Variants in WWOX observed in about 807,000 individuals in gnomAD.
The protein encoded by WWOX is WW domain containing oxidoreductase.
WWOX carries 69 observed loss-of-function variants against 46.2 expected under a neutral mutation model. The observed-to-expected ratio is 1.49, with a 90% CI of 1.23 to 1.82. WWOX has a LOEUF of 1.82. Among genes scored for constraint, WWOX ranks in the 40% most tolerant of loss-of-function variants. The pLI is 0.00. For missense variants in WWOX, 919 were observed against 542.6 expected (o/e 1.69, Z -6.89); for synonymous variants, 359 against 202.6 (o/e 1.77, Z -6.56).
chr16:78,212,039 G>A (rs904922635), intron 5 of WWOX, among the ~76,000 whole-genome samples: 3 of 152,164 alleles, frequency 2.0e-5, no homozygotes, highest in African/African-American at 7.2e-5. Flanking sequence ...TTATTATTTG[G>A]TGTATTTGGG....
chr16:78,389,679 G>A (rs2082138109), intron 6 of WWOX, among the ~76,000 whole-genome samples: 1 of 152,060 alleles, frequency 6.6e-6, no homozygotes, highest in Non-Finnish European at 1.5e-5. Flanking sequence ...TGGAATGTGG[G>A]TAGAGGGGCC....
intron 8 of WWOX, among the ~76,000 whole-genome samples, chr16:78,904,345 TCTC>T (rs1181018668): frequency 6.7e-6 from 1 of 150,288 alleles, no homozygotes. Context: ...TTCAAGCAAT[TCTC>T]CTGCCTCAGC....
chr16:78,884,044 C>G (rs966885025), intron 8 of WWOX, among the ~76,000 whole-genome samples: 2 of 151,816 alleles, frequency 1.3e-5, no homozygotes, highest in African/African-American at 4.8e-5. Flanking sequence ...TTTGGGAGGC[C>G]GAGGCAGGCA....
chr16:78,151,684 A>T (rs532385806), intron 4 of WWOX, among the ~76,000 whole-genome samples: 1 of 152,162 alleles, frequency 6.6e-6, no homozygotes, highest in Non-Finnish European at 1.5e-5. Flanking sequence ...TATCAATTAG[A>T]TAGCATTTGG....
chr16:79,107,504 C>A (rs571307736), intron 8 of WWOX, among the ~76,000 whole-genome samples: 14 of 152,170 alleles, frequency 9.2e-5, no homozygotes, highest in African/African-American at 2.9e-4. Context: ...GGCATACTGC[C>A]CAAGCACAGT....
rs2080059343 is a variant in WWOX at position 78,302,512 on chromosome 16, G to A, written c.517-84348G>A. Among the ~76,000 whole-genome samples the A allele has an allele frequency of 1.3e-5, 2 of 152,040 alleles. 1 individual carries two copies. Among genetic ancestry groups the A allele is most frequent in the African/African-American group, 4.8e-5 (2 of 41,390 alleles). On this transcript the variant is annotated intron_variant, in intron 5 of 8. Coordinates refer to ENST00000566780, the MANE Select transcript of WWOX (RefSeq NM_016373.4). ...TATTGCCTACCTGCAGACATGTTTTGTCTTATCCACACATGATGTAAAAAC... is the reference window on the plus strand; with the variant it reads ...TATTGCCTACCTGCAGACATGTTTTATCTTATCCACACATGATGTAAAAAC...
chr16:78,597,186 G>T (rs1475765819), intron 8 of WWOX, among the ~76,000 whole-genome samples: 1 of 152,174 alleles, frequency 6.6e-6, no homozygotes, highest in Non-Finnish European at 1.5e-5. Context: ...CAAGCATTTA[G>T]TAGGTAGATC....
intron 8 of WWOX, among the ~76,000 whole-genome samples, chr16:78,812,123 G>C (rs1384864540): frequency 2.0e-5 from 3 of 152,042 alleles, no homozygotes; most frequent in Non-Finnish European, 4.4e-5. Flanking sequence ...CCACCACAGA[G>C]ACCAAATACA....
chr16:79,028,269 C>T (rs1051207117), intron 8 of WWOX, among the ~76,000 whole-genome samples: 1 of 151,786 alleles, frequency 6.6e-6, no homozygotes, highest in Non-Finnish European at 1.5e-5. Context: ...CCTTTGTGTT[C>T]CTAATACCTG....
intron 8 of WWOX, among the ~76,000 whole-genome samples, chr16:79,098,667 G>A (rs1253453341): frequency 6.6e-6 from 1 of 152,194 alleles, no homozygotes; most frequent in Non-Finnish European, 1.5e-5. Context: ...TGTGCAGGGT[G>A]TAGAAGAAGG....
At chr16:78,819,191 C>A (rs1298330098) in intron 8 of WWOX, among the ~76,000 whole-genome samples, 1 of 152,190 alleles carries the variant, frequency 6.6e-6, no homozygotes, top group Non-Finnish European at 1.5e-5. Flanking sequence ...CCATCAGGTT[C>A]CCAGGTGAAA....
intron 8 of WWOX, among the ~76,000 whole-genome samples, chr16:79,132,506 T>C (rs1342715587): frequency 6.6e-6 from 1 of 152,138 alleles, no homozygotes; most frequent in Non-Finnish European, 1.5e-5. Context: ...TTCAGATGAT[T>C]GGGAGGTAGT....
chr16:79,036,389 C>T (rs1159465563), intron 8 of WWOX, among the ~76,000 whole-genome samples: 1 of 152,222 alleles, frequency 6.6e-6, no homozygotes, highest in African/African-American at 2.4e-5. Flanking sequence ...ATTTAAGTCC[C>T]ATTCTTGCCT....
chr16:78,868,932 T>C (rs751144091), intron 8 of WWOX, among the ~76,000 whole-genome samples: 1 of 152,090 alleles, frequency 6.6e-6, no homozygotes, highest in Non-Finnish European at 1.5e-5. Flanking sequence ...AAAACACACC[T>C]GCGTGCAAAC....
chr16:78,350,454 C>A lies in WWOX; in HGVS notation c.517-36406C>A. Among the ~76,000 whole-genome samples, 2 of 120,716 alleles carry A rather than the reference C, an allele frequency of 1.7e-5. 1 individual carries two copies. Among genetic ancestry groups the A allele is most frequent in the Non-Finnish European group, 4.0e-5 (2 of 50,530 alleles). 79.2% of individuals were successfully genotyped at this position (120,716 alleles called of 152,430 possible). A position where few individuals can be genotyped will look rare whatever the true frequency, so the allele number is the denominator to read the frequency against. On this transcript the variant is annotated intron_variant, in intron 5 of 8. Coordinates refer to ENST00000566780, the MANE Select transcript of WWOX (RefSeq NM_016373.4). ...TCCTTTTCCCCACTTCCTTTTCTCT[C>A]CACTCCCAACCTCTCTCCCAGCTCC...
intron 8 of WWOX, among the ~76,000 whole-genome samples, chr16:78,998,329 G>C (rs1270501852): frequency 2.0e-5 from 3 of 152,178 alleles, no homozygotes; most frequent in Non-Finnish European, 4.4e-5. Flanking sequence ...ACTGGGCTCT[G>C]AGCTTCTTGA....
At position 78,164,248 on chromosome 16, in the gene WWOX, G is replaced by A; in HGVS notation, c.475G>A (p.Ala159Thr). Residue 159 changes from alanine (A) to threonine (T), a missense_variant, in exon 5 of 9, where the codon GCA becomes ACA. Physicochemically the swap from Ala to Thr is moderately conservative, Grantham distance 58. Coordinates refer to ENST00000566780, the MANE Select transcript of WWOX (RefSeq NM_016373.4). ...AHVILACRNMARASEAVSRIL... is the reference protein window; with the variant it reads ...AHVILACRNMTRASEAVSRIL... ...TGTGATCTTGGCCTGCAGGAACATG[G>A]CAAGGGCGAGTGAAGCAGTGTCACG... The A allele has an allele frequency of 6.2e-7, 1 of 1,614,138 alleles. No homozygotes were observed. Among genetic ancestry groups the A allele is most frequent in the East Asian group, 2.2e-5 (1 of 44,872 alleles).
At chr16:78,269,724 T>C (rs900077646) in intron 5 of WWOX, among the ~76,000 whole-genome samples, 1 of 152,208 alleles carries the variant, frequency 6.6e-6, no homozygotes, top group Non-Finnish European at 1.5e-5. Flanking sequence ...AGAAAGGAGT[T>C]GCAGCTTCTG....
chr16:78,366,996 T>C (rs1482437194), intron 5 of WWOX, among the ~76,000 whole-genome samples: 9 of 80,230 alleles, frequency 1.1e-4, no homozygotes, highest in African/African-American at 4.2e-4. Flanking sequence ...TTTTTTTTTT[T>C]TAAGACGTAG....
Sources: gnomAD v4.1 joint callset for allele counts (sites outside exome capture counted in the v4.1 genomes callset) on GRCh38, gnomAD v4.1.1 for gene constraint, MANE v1.5 for transcripts, NCBI Gene and HGNC (gene_info 2026-07-23, HGNC 2026-07-21) for gene names.